The following MCTP1 variants were observed in gnomAD, a reference collection of about 807,000 sequenced individuals.
MCTP1 encodes multiple C2 and transmembrane domain-containing protein 1.
MCTP1 carries 69 observed loss-of-function variants against 120.6 expected under a neutral mutation model. The ratio of observed to expected loss-of-function variants is 0.57; its 90% CI spans 0.47 to 0.70. The LOEUF (loss-of-function observed/expected upper bound fraction) is 0.70, where lower values mean the gene tolerates loss of function less well. Among genes scored for constraint, MCTP1 ranks in the 30% least tolerant of loss-of-function variants. The probability of loss-of-function intolerance (pLI) is 0.00; values close to 1 mark genes in which losing one functional copy is unlikely to be tolerated. For missense variants in MCTP1, 1,203 were observed against 1,248.8 expected, an observed-to-expected ratio of 0.96 and a Z score of 0.55; for synonymous variants, 529 against 493.1, an observed-to-expected ratio of 1.07 and a Z score of -0.96.
chr5:95,001,025 C>T (rs552452330), intron 2 of MCTP1, among the ~76,000 whole-genome samples: 1 of 152,304 alleles, frequency 6.6e-6, no homozygotes, highest in South Asian at 2.1e-4. Flanking sequence ...CAGTTTCCTC[C>T]ATGCTGTTCT....
At chr5:95,024,805 T>TA (rs1306419978) in intron 1 of MCTP1, among the ~76,000 whole-genome samples, 1 of 151,874 alleles carries the variant, frequency 6.6e-6, no homozygotes, top group Non-Finnish European at 1.5e-5. Flanking sequence ...AAAAAGAAAT[T>TA]AAGAAAACAA....
intron 18 of MCTP1, among the ~76,000 whole-genome samples, chr5:94,782,949 A>G (rs1179376387): frequency 6.6e-6 from 1 of 152,128 alleles, no homozygotes; most frequent in Non-Finnish European, 1.5e-5. Flanking sequence ...TTTCCAAATT[A>G]TGCTTTCTGA....
intron 1 of MCTP1, among the ~76,000 whole-genome samples, chr5:95,223,333 T>A (rs2152620030): frequency 6.6e-6 from 1 of 152,032 alleles, no homozygotes; most frequent in African/African-American, 2.4e-5. Context: ...ATGCCTGTAG[T>A]CCCAGCTACT....
intron 1 of MCTP1, among the ~76,000 whole-genome samples, chr5:95,217,313 G>A (rs894660815): frequency 6.6e-6 from 1 of 152,114 alleles, no homozygotes; most frequent in African/African-American, 2.4e-5. Flanking sequence ...CCTAGAGGAT[G>A]TCAAAAATTA....
intron 1 of MCTP1, chr5:95,068,746 C>T (rs1010220809): frequency 8.2e-7 from 1 of 1,221,228 alleles, no homozygotes; most frequent in Non-Finnish European, 1.1e-6. Flanking sequence ...AAACACCGAG[C>T]TAACACACTT....
At chr5:95,155,282 G>T (rs903345888) in intron 1 of MCTP1, among the ~76,000 whole-genome samples, 7 of 152,078 alleles carry the variant, frequency 4.6e-5, no homozygotes, top group African/African-American at 1.7e-4. Flanking sequence ...GATATTATAA[G>T]GAAGGAGAGG....
At position 94,982,884 on chromosome 5, in the gene MCTP1, C is replaced by CAAAAAAAAAAAA. The variant is rs34561115; in HGVS notation, c.839-29535_839-29524dup. The stretch of plus-strand genomic sequence containing the variant: ...ACCTGGGGGACAGAGCACACTTCAT[C>CAAAAAAAAAAAA]AAAAAAAAAAAAAAAAAAAAAAAAA... On this transcript the variant is annotated intron_variant, in intron 2 of 22. Transcript: ENST00000515393. Among the ~76,000 whole-genome samples the CAAAAAAAAAAAA allele has an allele frequency of 2.6e-3, 73 of 28,616 alleles. 11 individuals carry two copies. Among genetic ancestry groups the CAAAAAAAAAAAA allele is most frequent in the Non-Finnish European group, 3.9e-3 (47 of 12,000 alleles). The allele number at this position is 28,616 out of a possible 152,430, so 18.8% of individuals were successfully genotyped here.
At chr5:95,126,112 G>C (rs1277038440) in intron 1 of MCTP1, among the ~76,000 whole-genome samples, 1 of 152,148 alleles carries the variant, frequency 6.6e-6, no homozygotes, top group Non-Finnish European at 1.5e-5. Context: ...GAGCTATGGG[G>C]GGAGAAAAGG....
At chr5:95,152,719 A>C (rs331571) in intron 1 of MCTP1, among the ~76,000 whole-genome samples, 116,709 of 152,088 alleles carry the variant, frequency 0.77, 45,137 homozygotes, top group Non-Finnish European at 0.82. Context: ...GTTTGTGTGG[A>C]GTTTGCTGAA....
At chr5:95,208,816 C>T (rs1480835273) in intron 1 of MCTP1, among the ~76,000 whole-genome samples, 5 of 152,108 alleles carry the variant, frequency 3.3e-5, no homozygotes, top group Non-Finnish European at 7.4e-5. Context: ...CTAGAAATCA[C>T]CTTCTTGAAA....
At chr5:95,278,404 G>A (rs1760026018) in intron 1 of MCTP1, among the ~76,000 whole-genome samples, 1 of 152,068 alleles carries the variant, frequency 6.6e-6, no homozygotes. Flanking sequence ...TTTACAGAAA[G>A]GTAAGCATGT....
At chr5:94,868,166 G>A in intron 17 of MCTP1, 167 bp downstream of exon 17, 1 of 514,558 alleles carries the variant, frequency 1.9e-6, no homozygotes. Flanking sequence ...CTCAGACCTT[G>A]TACAATCCAT....
chr5:95,219,381 CAAAA>C (rs11414984), intron 1 of MCTP1, among the ~76,000 whole-genome samples: 1 of 85,970 alleles, frequency 1.2e-5, no homozygotes. Flanking sequence ...GACTCCATCT[CAAAA>C]AAAAAAAAAA....
chr5:95,181,409 C>T (rs1748580981), intron 1 of MCTP1, among the ~76,000 whole-genome samples: 1 of 152,168 alleles, frequency 6.6e-6, no homozygotes, highest in Non-Finnish European at 1.5e-5. Flanking sequence ...TAATATTCCC[C>T]ACCTCCTTCA....
intron 18 of MCTP1, among the ~76,000 whole-genome samples, chr5:94,794,531 C>G (rs777557349): frequency 8.5e-5 from 13 of 152,224 alleles, no homozygotes; most frequent in Non-Finnish European, 1.8e-4. Context: ...AAGGAATGCC[C>G]ATGCATGTAG....
Position 94,729,973 on chromosome 5 carries a change from G to A in MCTP1, c.2611-15087C>T, listed in dbSNP as rs1466846561. On this transcript the variant is annotated intron_variant, in intron 19 of 22. Coordinates refer to ENST00000515393, the MANE Select transcript of MCTP1 (RefSeq NM_024717.7). ...CCACTTAGGTAGAAATATACTGTGT[G>A]GGGAAAACAAGATAGTTAGGAGGCT... Among the ~76,000 whole-genome samples the A allele has an allele frequency of 1.3e-5, 2 of 152,150 alleles. 1 individual carries two copies. Among genetic ancestry groups the A allele is most frequent in the African/African-American group, 4.8e-5 (2 of 41,422 alleles).
chr5:94,732,596 A>G (rs887604968), intron 19 of MCTP1, among the ~76,000 whole-genome samples: 2 of 152,196 alleles, frequency 1.3e-5, no homozygotes, highest in African/African-American at 2.4e-5. Context: ...TATGTTGAAA[A>G]CTAATCTCCA....
At chr5:95,093,664 T>C (rs956722025) in intron 1 of MCTP1, among the ~76,000 whole-genome samples, 1 of 152,184 alleles carries the variant, frequency 6.6e-6, no homozygotes, top group Non-Finnish European at 1.5e-5. Context: ...TCACAAAAGA[T>C]TGCATTTTTC....
At chr5:94,984,237 G>C (rs73774853) in intron 2 of MCTP1, among the ~76,000 whole-genome samples, 2,402 of 152,078 alleles carry the variant, frequency 0.016, 64 homozygotes, top group African/African-American at 0.054. Flanking sequence ...TAAATGCTCT[G>C]GACTAATTTT....
Sources: gnomAD v4.1 joint callset for allele counts (sites outside exome capture counted in the v4.1 genomes callset) on GRCh38, gnomAD v4.1.1 for gene constraint, MANE v1.5 for transcripts, NCBI Gene and HGNC (gene_info 2026-07-23, HGNC 2026-07-21) for gene names.